The following SMC5 variants were observed in gnomAD, a reference collection of about 807,000 sequenced individuals.
The protein encoded by SMC5 is structural maintenance of chromosomes protein 5.
SMC5 carries 88 observed loss-of-function variants against 148.3 expected under a neutral mutation model. That is an observed-to-expected ratio of 0.59 (90% CI 0.50 to 0.71). The LOEUF (loss-of-function observed/expected upper bound fraction) is 0.71, where lower values mean the gene tolerates loss of function less well. SMC5 is among the 30% of genes least tolerant of loss of function. The probability of loss-of-function intolerance (pLI) is 0.00; values close to 1 mark genes in which losing one functional copy is unlikely to be tolerated. For missense variants in SMC5, 1,142 were observed against 1,298.9 expected (o/e 0.88, Z 1.86); for synonymous variants, 421 against 432.8 (o/e 0.97, Z 0.34).
In SMC5 at chr9:70,323,552, AG is replaced by A; in HGVS notation, c.2221del (p.Glu741LysfsTer2). 6.2e-7 allele frequency: 1 copy of A among 1,612,996 alleles called. No individual in the cohort carries two copies. Among genetic ancestry groups the A allele is most frequent in the Non-Finnish European group, 8.5e-7 (1 of 1,179,560 alleles). On this transcript the variant is annotated frameshift_variant, in exon 16 of 25. Coordinates refer to ENST00000361138, the MANE Select transcript of SMC5 (RefSeq NM_015110.4). LOFTEE classifies it high-confidence loss of function. ...AGCGAAAAGCAAGTACCAAAATCAA[AG>A]AAATAAATGTTCAAAAAGCGAAACT... Reference protein sequence around the residue: ...EERKASTKIKEINVQKAKLVT... With the variant: ...EERKASTKIKXINVQKAKLVT...
At position 70,277,395 on chromosome 9, in the gene SMC5, A is replaced by G. The variant is rs1263515446; in HGVS notation, c.466A>G (p.Thr156Ala). 3.1e-6 allele frequency: 5 copies of G among 1,607,644 alleles called. No individual in the cohort carries two copies. The highest frequency in any genetic ancestry group is 4.2e-6 in the Non-Finnish European group (5 of 1,176,806). Residue 156 changes from threonine (T) to alanine (A), a missense_variant, in exon 4 of 25, where the codon ACA (threonine) becomes GCA (alanine). Thr to Ala is a moderately conservative substitution (Grantham distance 58). Around this residue, in one of 5 missense-constraint regions of SMC5, gnomAD observed 297 missense variants for 302.6 expected, o/e 0.98. Transcript: ENST00000361138. ...CTTTTGGTTCATCAACAAAAAATCT[A>G]CAACCCAGAAAATAGTGGAAGAGAA... The part of the protein sequence containing the change: ...QSFWFINKKS[T>A]TQKIVEEKVA...
chr9:70,329,107 G>T (rs139996935), intron 17 of SMC5, among the ~76,000 whole-genome samples: 1 of 152,190 alleles, frequency 6.6e-6, no homozygotes, highest in African/African-American at 2.4e-5. Context: ...CTCCTAGATC[G>T]CCAGGCCTGT....
chr9:70,289,914 T>G (rs1345318643), intron 8 of SMC5, among the ~76,000 whole-genome samples: 4 of 151,694 alleles, frequency 2.6e-5, no homozygotes, highest in Admixed American at 2.0e-4. Flanking sequence ...CTGCCAGTAT[T>G]GACATGTTGG....
chr9:70,347,277 C>T lies in SMC5; in HGVS notation c.2664+116C>T, dbSNP rs182640407. 2.6e-4 allele frequency: 184 copies of T among 702,736 alleles called. 2 individuals carry two copies. The African/African-American group carries it at 3.0e-3, about 12-fold the overall frequency. The allele number at this position is 702,736 out of a possible 1,614,324, so 43.5% of individuals were successfully genotyped here. ...ACTTGCCTCCCACTCTGTACTAGAG[C>T]TCTTGGTAATAATAAGCTAGACAGC... On this transcript the variant is annotated intron_variant, in intron 20 of 24. Transcript: ENST00000361138.
intron 17 of SMC5, among the ~76,000 whole-genome samples, chr9:70,327,822 T>C (rs981273775): frequency 4.6e-5 from 7 of 152,124 alleles, no homozygotes; most frequent in Non-Finnish European, 1.0e-4. Context: ...CTCACACTGC[T>C]AAAAAGAACT....
At chr9:70,322,259 A>G in intron 15 of SMC5, among the ~76,000 whole-genome samples, 1 of 152,306 alleles carries the variant, frequency 6.6e-6, no homozygotes, top group African/African-American at 2.4e-5. Context: ...CTTCATTCCT[A>G]TTCAATCTTC....
intron 11 of SMC5, among the ~76,000 whole-genome samples, chr9:70,308,399 T>A (rs58881692): frequency 0.22 from 32,631 of 150,526 alleles, 3,654 homozygotes; most frequent in South Asian, 0.28. Context: ...AGGTCAGGAG[T>A]TTGAGACCAC....
chr9:70,289,422 CT>C (rs2034998562), intron 8 of SMC5, among the ~76,000 whole-genome samples: 1 of 152,096 alleles, frequency 6.6e-6, no homozygotes, highest in East Asian at 1.9e-4. Flanking sequence ...TCAGTTTTTG[CT>C]TCCTAGATTT....
chr9:70,292,779 G>A (rs2035097489), intron 8 of SMC5, among the ~76,000 whole-genome samples: 1 of 152,038 alleles, frequency 6.6e-6, no homozygotes, highest in African/African-American at 2.4e-5. Flanking sequence ...AAGTTTTTAG[G>A]TGGTTAGTAA....
intron 11 of SMC5, among the ~76,000 whole-genome samples, chr9:70,306,603 T>C (rs188484344): frequency 7.9e-5 from 12 of 152,360 alleles, no homozygotes; most frequent in Admixed American, 2.6e-4. Flanking sequence ...GTAAAGGGCA[T>C]GCAGTCAGAT....
intron 11 of SMC5, chr9:70,311,111 C>T (rs754979772): frequency 6.6e-6 from 1 of 152,182 alleles, no homozygotes; most frequent in Non-Finnish European, 1.5e-5. Context: ...AAGAACTCTT[C>T]CTTTGCATTC....
chr9:70,314,977 C>T (rs973631554), intron 12 of SMC5, 141 bp downstream of exon 12: 38 of 511,460 alleles, frequency 7.4e-5, no homozygotes, highest in Admixed American at 1.5e-4. Flanking sequence ...GGCACAGGAC[C>T]ATGATATAGT....
At chr9:70,289,668 C>G (rs2035007615) in intron 8 of SMC5, among the ~76,000 whole-genome samples, 1 of 151,828 alleles carries the variant, frequency 6.6e-6, no homozygotes, top group South Asian at 2.1e-4. Context: ...TTTTCTCATT[C>G]TATTTTTTAT....
intron 7 of SMC5, among the ~76,000 whole-genome samples, chr9:70,285,607 C>T (rs2034875316): frequency 6.6e-6 from 1 of 152,190 alleles, no homozygotes; most frequent in East Asian, 1.9e-4. Flanking sequence ...CAACCAAGGA[C>T]CGACCTTGCA....
intron 8 of SMC5, among the ~76,000 whole-genome samples, chr9:70,297,183 C>T (rs902385738): frequency 2.0e-4 from 31 of 152,170 alleles, no homozygotes; most frequent in African/African-American, 7.2e-4. Flanking sequence ...ATTTCACATA[C>T]ACCTTATACA....
intron 15 of SMC5, among the ~76,000 whole-genome samples, chr9:70,322,208 TG>T (rs1357341756): frequency 6.6e-6 from 1 of 152,254 alleles, no homozygotes; most frequent in African/African-American, 2.4e-5. Context: ...TCCTAGAATT[TG>T]TTTCAACTTT....
At chr9:70,293,535 T>G (rs187665225) in intron 8 of SMC5, among the ~76,000 whole-genome samples, 76 of 152,250 alleles carry the variant, frequency 5.0e-4, no homozygotes, top group African/African-American at 1.8e-3. Flanking sequence ...GAAGCATAGA[T>G]TATTGATTTG....
chr9:70,272,480 C>G (rs1173222606), intron 3 of SMC5, among the ~76,000 whole-genome samples: 1 of 152,042 alleles, frequency 6.6e-6, no homozygotes, highest in African/African-American at 2.4e-5. Context: ...CTTAGGGAGG[C>G]AGAGGCGGGA....
chr9:70,318,766 AT>A, intron 14 of SMC5, 27 bp from the exon 15 acceptor site: 1 of 1,549,666 alleles, frequency 6.5e-7, no homozygotes, highest in Non-Finnish European at 8.7e-7. Flanking sequence ...TTTTTTAAAT[AT>A]GTTAACAATT....
Sources: gnomAD v4.1 joint callset for allele counts (sites outside exome capture counted in the v4.1 genomes callset) on GRCh38, gnomAD v4.1.1 for gene constraint, gnomAD v4.1.1 regional missense constraint, MANE v1.5 for transcripts, NCBI Gene and HGNC (gene_info 2026-07-23, HGNC 2026-07-21) for gene names.